EXOC6B: variants seen among roughly 807,000 people sequenced by gnomAD.
EXOC6B encodes the protein exocyst complex component 6B.
A neutral mutation model predicts 113.5 loss-of-function variants in EXOC6B; 54 were observed. The ratio of observed to expected loss-of-function variants is 0.48; its 90% confidence interval spans 0.38 to 0.60. The LOEUF is 0.60. Ranked by LOEUF, EXOC6B falls within the 20% of genes least tolerant of loss-of-function variation. The pLI is 0.00. For synonymous variants in EXOC6B, 357 were observed against 339.0 expected, an observed-to-expected ratio of 1.05 and a Z score of -0.58; for missense variants, 797 against 977.5, an observed-to-expected ratio of 0.82 and a Z score of 2.46.
chr2:72,667,921 A>G (rs1403402350), intron 6 of EXOC6B, among the ~76,000 whole-genome samples: 2 of 152,046 alleles, frequency 1.3e-5, no homozygotes, highest in African/African-American at 2.4e-5. Flanking sequence ...GAAATTATCA[A>G]TAAACAGGCA....
At chr2:72,451,163 T>A (rs1352563584) in intron 18 of EXOC6B, among the ~76,000 whole-genome samples, 1 of 152,170 alleles carries the variant, frequency 6.6e-6, no homozygotes, top group Non-Finnish European at 1.5e-5. Flanking sequence ...CAATGAAGAA[T>A]CCTTAGATTT....
chr2:72,592,945 T>A (rs1706065612), intron 6 of EXOC6B, among the ~76,000 whole-genome samples: 1 of 152,114 alleles, frequency 6.6e-6, no homozygotes, highest in African/African-American at 2.4e-5. Context: ...ATTAAAGGGT[T>A]CAAATTTTCA....
Position 72,741,203 on chromosome 2 carries a change from T to G in EXOC6B, c.279+101A>C, listed in dbSNP as rs967786646. ...TTCCTTTCTAATTATACAAAAATCT[T>G]CACTACAAATATGTGTTCTATGTTA... On this transcript the variant is annotated intron_variant, in intron 2 of 21. Transcript: ENST00000272427. 5 of 1,148,888 alleles carry G rather than the reference T, an allele frequency of 4.4e-6. No individual in the cohort carries two copies. In the African/African-American group the frequency reaches 6.3e-5, roughly 15 times the overall value. The allele number at this position is 1,148,888 out of a possible 1,614,324, so 71.2% of individuals were successfully genotyped here.
At chr2:72,819,493 T>G (rs1686466112) in intron 1 of EXOC6B, among the ~76,000 whole-genome samples, 1 of 151,982 alleles carries the variant, frequency 6.6e-6, no homozygotes, top group South Asian at 2.1e-4. Context: ...TTATTTCCTA[T>G]CTCCTCCTCC....
intron 8 of EXOC6B, among the ~76,000 whole-genome samples, chr2:72,523,743 T>G (rs942333958): frequency 7.9e-6 from 1 of 126,852 alleles, no homozygotes; most frequent in Admixed American, 1.1e-4. Flanking sequence ...ATCACGCCAC[T>G]GCACTCCAGC....
chr2:72,339,421 A>C (rs1484134873), intron 19 of EXOC6B, among the ~76,000 whole-genome samples: 2 of 152,166 alleles, frequency 1.3e-5, no homozygotes, highest in African/African-American at 4.8e-5. Context: ...AAGCATTGGC[A>C]AGGAAAGCAA....
At chr2:72,243,847 G>A (rs528178714) in intron 20 of EXOC6B, among the ~76,000 whole-genome samples, 1 of 152,118 alleles carries the variant, frequency 6.6e-6, no homozygotes, top group African/African-American at 2.4e-5. Flanking sequence ...TTCTCCAAAG[G>A]GACATAACAG....
At chr2:72,540,446 C>A (rs1015162096) in intron 8 of EXOC6B, among the ~76,000 whole-genome samples, 6 of 152,132 alleles carry the variant, frequency 3.9e-5, no homozygotes, top group Admixed American at 3.3e-4. Context: ...AAATCATTTT[C>A]TACATATATA....
At chr2:72,270,461 A>G (rs1684413552) in intron 20 of EXOC6B, among the ~76,000 whole-genome samples, 1 of 152,198 alleles carries the variant, frequency 6.6e-6, no homozygotes, top group Admixed American at 6.6e-5. Flanking sequence ...AGCATTTGAA[A>G]TAAAAGACTA....
At chr2:72,766,437 C>A (rs1683064066) in intron 1 of EXOC6B, among the ~76,000 whole-genome samples, 1 of 151,958 alleles carries the variant, frequency 6.6e-6, no homozygotes, top group Non-Finnish European at 1.5e-5. Flanking sequence ...AATCAAGATT[C>A]ACAGATGATC....
intron 11 of EXOC6B, among the ~76,000 whole-genome samples, chr2:72,501,171 G>C (rs1407633729): frequency 6.6e-6 from 1 of 151,980 alleles, no homozygotes; most frequent in Non-Finnish European, 1.5e-5. Context: ...TTGGATATTT[G>C]TCCCCTCCAA....
intron 7 of EXOC6B, among the ~76,000 whole-genome samples, chr2:72,570,449 T>C (rs975226117): frequency 6.6e-6 from 1 of 152,216 alleles, no homozygotes; most frequent in Admixed American, 6.5e-5. Flanking sequence ...TTCTATTACA[T>C]GGCATTTGTA....
intron 6 of EXOC6B, among the ~76,000 whole-genome samples, chr2:72,603,785 G>A (rs893053042): frequency 6.6e-6 from 1 of 152,096 alleles, no homozygotes; most frequent in African/African-American, 2.4e-5. Flanking sequence ...ACTGGAGGTT[G>A]AGCCAGTCAG....
chr2:72,267,025 T>A (rs1280652002), intron 20 of EXOC6B, among the ~76,000 whole-genome samples: 22 of 152,284 alleles, frequency 1.4e-4, no homozygotes, highest in Non-Finnish European at 2.5e-4. Context: ...GCAATTGTGA[T>A]TGGGAGTTCA....
chr2:72,736,830 G>A (rs892897637), intron 2 of EXOC6B, among the ~76,000 whole-genome samples: 9 of 152,168 alleles, frequency 5.9e-5, no homozygotes, highest in African/African-American at 2.2e-4. Context: ...TGGGATAGAG[G>A]TGTCTAAGAA....
intron 20 of EXOC6B, among the ~76,000 whole-genome samples, chr2:72,325,135 C>G (rs567008589): frequency 3.9e-5 from 6 of 152,234 alleles, no homozygotes; most frequent in African/African-American, 1.4e-4. Flanking sequence ...GGCTTCATGC[C>G]CACGTTGAAT....
At chr2:72,812,166 A>G (rs1331178017) in intron 1 of EXOC6B, among the ~76,000 whole-genome samples, 22 of 152,240 alleles carry the variant, frequency 1.4e-4, no homozygotes. Context: ...TAGACTAACA[A>G]ATGAGTCCAG....
At chr2:72,575,288 TG>T (rs2103821525) in intron 7 of EXOC6B, among the ~76,000 whole-genome samples, 1 of 152,280 alleles carries the variant, frequency 6.6e-6, no homozygotes, top group East Asian at 1.9e-4. Flanking sequence ...ATTTAAAATT[TG>T]AATTCTCAAA....
chr2:72,357,217 T>C (rs1386986781), intron 19 of EXOC6B, among the ~76,000 whole-genome samples: 1 of 152,242 alleles, frequency 6.6e-6, no homozygotes, highest in Non-Finnish European at 1.5e-5. Flanking sequence ...TAACAGCATA[T>C]TGTTATAATT....
Sources: gnomAD v4.1 joint callset for allele counts (sites outside exome capture counted in the v4.1 genomes callset) on GRCh38, gnomAD v4.1.1 for gene constraint, MANE v1.5 for transcripts, NCBI Gene and HGNC (gene_info 2026-07-23, HGNC 2026-07-21) for gene names.